Variants in MED27 observed in about 807,000 individuals in gnomAD.
The protein encoded by MED27 is mediator of RNA polymerase II transcription subunit 27.
MED27 carries 30 observed loss-of-function variants against 38.2 expected under a neutral mutation model. The observed-to-expected ratio is 0.79, with a 90% CI of 0.59 to 1.07. The LOEUF (loss-of-function observed/expected upper bound fraction) is 1.07, where lower values mean the gene tolerates loss of function less well. Ranked by LOEUF, MED27 falls within the 50% of genes least tolerant of loss-of-function variation. MED27 has a pLI of 0.00. For synonymous variants in MED27, 122 were observed against 153.5 expected (o/e 0.79, Z 1.52); for missense variants, 289 against 397.5 (o/e 0.73, Z 2.32).
At chr9:131,881,111 G>C (rs1048858494) in intron 6 of MED27, among the ~76,000 whole-genome samples, 4 of 152,180 alleles carry the variant, frequency 2.6e-5, no homozygotes, top group African/African-American at 7.2e-5. Context: ...GGACCAGATT[G>C]AGGGGAAAAG....
At chr9:132,040,153 T>C (rs888113169) in intron 2 of MED27, among the ~76,000 whole-genome samples, 7 of 152,212 alleles carry the variant, frequency 4.6e-5, no homozygotes, top group African/African-American at 1.4e-4. Flanking sequence ...CTGTGAGATT[T>C]CACCTTGTCG....
chr9:132,066,266 G>C (rs1564347029), intron 2 of MED27, among the ~76,000 whole-genome samples: 1 of 152,250 alleles, frequency 6.6e-6, no homozygotes, highest in African/African-American at 2.4e-5. Context: ...CTGGAGGAAA[G>C]AATGCATTCG....
chr9:132,011,732 T>C (rs1832490702), intron 3 of MED27, among the ~76,000 whole-genome samples: 1 of 152,164 alleles, frequency 6.6e-6, no homozygotes, highest in Non-Finnish European at 1.5e-5. Flanking sequence ...TTCTGCCTAC[T>C]GGACAGTAGT....
chr9:131,868,802 G>A (rs1342467985), intron 6 of MED27: 5 of 985,360 alleles, frequency 5.1e-6, no homozygotes, highest in Non-Finnish European at 6.0e-6. Flanking sequence ...GGGCAGGTAA[G>A]TCTTTGGGAA....
At chr9:132,044,370 TTC>T (rs1343859821) in intron 2 of MED27, among the ~76,000 whole-genome samples, 2 of 152,250 alleles carry the variant, frequency 1.3e-5, no homozygotes, top group Non-Finnish European at 2.9e-5. Flanking sequence ...ATGATAAACT[TTC>T]TTTCTCTTAC....
At chr9:131,887,465 C>G (rs1473413688) in intron 5 of MED27, among the ~76,000 whole-genome samples, 2 of 152,164 alleles carry the variant, frequency 1.3e-5, no homozygotes, top group East Asian at 3.9e-4. Context: ...TAGGAGTGCA[C>G]AGCAGGTGGT....
chr9:131,893,905 C>A lies in MED27; in HGVS notation c.661G>T (p.Val221Phe), dbSNP rs1403247395. The change falls in exon 5 of 8, where the codon GTC (valine) becomes TTC (phenylalanine). Residue 221 changes from valine to phenylalanine, a missense_variant. Val to Phe is a conservative substitution (Grantham distance 50). Transcript: ENST00000292035. ...RTIVKGYNEN[V>F]YTEDGKLDIW... ...CTTACCTTGCCATCTTCTGTGTAGA[C>A]ATTCTCGTTATATCCCTTTACTATT... The A allele has an allele frequency of 6.2e-7, 1 of 1,613,882 alleles. No homozygotes were observed. The highest frequency in any genetic ancestry group is 1.3e-5 in the African/African-American group (1 of 75,054).
intron 6 of MED27, among the ~76,000 whole-genome samples, chr9:131,869,832 A>G (rs958829407): frequency 2.0e-5 from 3 of 152,166 alleles, no homozygotes; most frequent in African/African-American, 7.2e-5. Flanking sequence ...TCCCGTCTCA[A>G]TGGTGACCTG....
intron 4 of MED27, among the ~76,000 whole-genome samples, chr9:131,930,664 T>C (rs1402222583): frequency 6.6e-6 from 1 of 152,004 alleles, no homozygotes; most frequent in Non-Finnish European, 1.5e-5. Flanking sequence ...CAATAAGAAA[T>C]CATCTGAAGG....
chr9:132,033,853 T>C (rs1833015515), intron 2 of MED27, among the ~76,000 whole-genome samples: 1 of 152,238 alleles, frequency 6.6e-6, no homozygotes, highest in Non-Finnish European at 1.5e-5. Flanking sequence ...ATAACTTGGT[T>C]ATTAAAAATA....
At chr9:132,048,655 C>T (rs907003183) in intron 2 of MED27, among the ~76,000 whole-genome samples, 7 of 152,208 alleles carry the variant, frequency 4.6e-5, no homozygotes, top group Admixed American at 4.6e-4. Flanking sequence ...AGGCCAACAG[C>T]AGAACCCCTC....
chr9:132,030,758 C>A (rs559832907), intron 2 of MED27, among the ~76,000 whole-genome samples: 2 of 152,340 alleles, frequency 1.3e-5, no homozygotes, highest in East Asian at 3.9e-4. Flanking sequence ...GAGCCAGAGG[C>A]CTTCCTGTTG....
At chr9:132,024,644 T>C (rs1002564101) in intron 2 of MED27, among the ~76,000 whole-genome samples, 5 of 152,198 alleles carry the variant, frequency 3.3e-5, no homozygotes, top group Non-Finnish European at 5.9e-5. Context: ...GAAATCTAAC[T>C]CAGAATTCTT....
At chr9:132,041,881 T>C (rs1419874788) in intron 2 of MED27, among the ~76,000 whole-genome samples, 1 of 152,266 alleles carries the variant, frequency 6.6e-6, no homozygotes, top group African/African-American at 2.4e-5. Context: ...ATTAAATACC[T>C]ACTTTGCTTA....
intron 3 of MED27, among the ~76,000 whole-genome samples, chr9:131,957,493 C>T (rs1241251186): frequency 1.3e-5 from 2 of 152,074 alleles, no homozygotes; most frequent in East Asian, 3.9e-4. Context: ...TGAGCTCAAG[C>T]GAGCCTCCCC....
chr9:132,048,672 T>C (rs1365035722), intron 2 of MED27, among the ~76,000 whole-genome samples: 1 of 152,212 alleles, frequency 6.6e-6, no homozygotes, highest in Non-Finnish European at 1.5e-5. Flanking sequence ...CCTCTGGACC[T>C]GTCAGCTCGG....
chr9:131,922,582 A>G (rs1394656105), intron 4 of MED27, among the ~76,000 whole-genome samples: 1 of 151,784 alleles, frequency 6.6e-6, no homozygotes, highest in Non-Finnish European at 1.5e-5. Context: ...CTGGGATTAC[A>G]GGCATGCACC....
At chr9:131,990,800 C>T (rs966549727) in intron 3 of MED27, among the ~76,000 whole-genome samples, 1 of 152,192 alleles carries the variant, frequency 6.6e-6, no homozygotes, top group East Asian at 1.9e-4. Context: ...GACTGCGGCT[C>T]GCAATAATCC....
intron 4 of MED27, among the ~76,000 whole-genome samples, chr9:131,905,925 TGAG>T (rs985410858): frequency 6.6e-6 from 1 of 151,208 alleles, no homozygotes; most frequent in African/African-American, 2.4e-5. Context: ...GCACCCAGAG[TGAG>T]AAATGAAATA....
Sources: allele counts gnomAD v4.1 joint callset (sites outside exome capture counted in the v4.1 genomes callset), GRCh38; gene constraint gnomAD v4.1.1; transcripts MANE v1.5; gene names NCBI Gene and HGNC (gene_info 2026-07-23, HGNC 2026-07-21).